The following NIFK variants were observed in gnomAD, a reference collection of about 807,000 sequenced individuals.
NIFK encodes MKI67 FHA domain-interacting nucleolar phosphoprotein.
NIFK carries 16 observed loss-of-function variants against 31.7 expected under a neutral mutation model. That is an observed-to-expected ratio of 0.50 (90% CI 0.34 to 0.77). The LOEUF (loss-of-function observed/expected upper bound fraction) is 0.77, where lower values mean the gene tolerates loss of function less well. NIFK is among the 30% of genes least tolerant of loss of function. The probability of loss-of-function intolerance (pLI) is 0.01; values close to 1 mark genes in which losing one functional copy is unlikely to be tolerated. For synonymous variants in NIFK, 126 were observed against 123.0 expected, an observed-to-expected ratio of 1.02 and a Z score of -0.16; for missense variants, 341 against 350.4, an observed-to-expected ratio of 0.97 and a Z score of 0.21.
chr2:121,728,196 G>T, intron 6 of NIFK, 92 bp downstream of exon 6: 1 of 873,162 alleles, frequency 1.1e-6, no homozygotes, highest in South Asian at 1.7e-5. Flanking sequence ...TATTTAATTT[G>T]AAATCTTAAA....
intron 2 of NIFK, among the ~76,000 whole-genome samples, chr2:121,734,393 GAT>G (rs1274574781): frequency 2.0e-5 from 3 of 152,062 alleles, no homozygotes; most frequent in Non-Finnish European, 4.4e-5. Flanking sequence ...GCTGAAGAAT[GAT>G]AGAGTAATAT....
chr2:121,732,058 G>C (rs761929186), intron 3 of NIFK, 38 bp downstream of exon 3: 24 of 1,223,366 alleles, frequency 2.0e-5, no homozygotes, highest in Admixed American at 6.8e-5. Flanking sequence ...CCAACAGCAG[G>C]CACCCAGGCA....
At chr2:121,733,741 C>T (rs949610479) in intron 2 of NIFK, among the ~76,000 whole-genome samples, 2 of 152,010 alleles carry the variant, frequency 1.3e-5, no homozygotes, top group Non-Finnish European at 2.9e-5. Flanking sequence ...AGAAAATCAG[C>T]GCATCACACA....
rs911211214 is a variant in NIFK, at chr2:121,727,048, T to C, written c.*676A>G. The C allele has an allele frequency of 6.0e-6, 1 of 168,000 alleles. No individual in the cohort carries two copies. The highest frequency in any genetic ancestry group is 1.5e-4 in the South Asian group (1 of 6,548). 10.4% of individuals were successfully genotyped at this position (168,000 alleles called of 1,614,324 possible). A position where few individuals can be genotyped will look rare whatever the true frequency, so the allele number is the denominator to read the frequency against. ...CAAGTCCTACTCGCAAACAAATACA[T>C]TGTAGAAAAAAGTTTAATTGCTGGT... is the stretch of plus-strand genomic sequence containing the variant. On this transcript the variant is annotated 3_prime_UTR_variant, in exon 7 of 7. Coordinates refer to ENST00000285814, the MANE Select transcript of NIFK (RefSeq NM_032390.5).
intron 6 of NIFK, 128 bp downstream of exon 6, chr2:121,728,160 C>T: frequency 4.1e-6 from 3 of 729,750 alleles, no homozygotes; most frequent in Non-Finnish European, 6.7e-6. Context: ...GCTAAATCAA[C>T]AATAAAGATC....
At chr2:121,729,226 G>C (rs1306282985) in intron 4 of NIFK, among the ~76,000 whole-genome samples, 3 of 151,966 alleles carry the variant, frequency 2.0e-5, no homozygotes, top group Admixed American at 6.6e-5. Flanking sequence ...AATTAGCTGG[G>C]TGTGGTGGTG....
chr2:121,733,036 C>T (rs543659348), intron 2 of NIFK, among the ~76,000 whole-genome samples: 1 of 151,830 alleles, frequency 6.6e-6, no homozygotes, highest in Non-Finnish European at 1.5e-5. Context: ...GAGCTGAGAT[C>T]GCGCCACTGC....
chr2:121,730,658 A>T, intron 4 of NIFK: 2 of 466,130 alleles, frequency 4.3e-6, no homozygotes, highest in Non-Finnish European at 7.7e-6. Flanking sequence ...AGCCTGGCCA[A>T]CGTGGAGAAA....
At position 121,735,615 on chromosome 2, in the gene NIFK, T is replaced by C. The variant is rs1294320546; in HGVS notation, c.241A>G (p.Arg81Gly). Residue 81 changes from arginine (R) to glycine (G), a missense_variant and splice_region_variant, in exon 2 of 7, where the codon AGG (arginine) becomes GGG (glycine). Coordinates refer to ENST00000285814, the MANE Select transcript of NIFK (RefSeq NM_032390.5). ...VTRFRLSRSK[R>G]TGNSKGYAFV... ...AAATCCAACTGCAAAAATCTTACCCTTTTACTTCTGGACAGCCTGAACCGT... is the reference window on the plus strand; with the variant it reads ...AAATCCAACTGCAAAAATCTTACCCCTTTACTTCTGGACAGCCTGAACCGT... 6.2e-7 allele frequency: 1 copy of C among 1,611,742 alleles called. No individual in the cohort carries two copies. Among genetic ancestry groups the C allele is most frequent in the Non-Finnish European group, 8.5e-7 (1 of 1,179,710 alleles).
At chr2:121,734,662 AGG>A (rs2074566909) in intron 2 of NIFK, among the ~76,000 whole-genome samples, 1 of 152,070 alleles carries the variant, frequency 6.6e-6, no homozygotes, top group African/African-American at 2.4e-5. Context: ...GCATGGTGGC[AGG>A]CGCCTGTAAT....
intron 2 of NIFK, among the ~76,000 whole-genome samples, chr2:121,735,048 G>A (rs529614044): frequency 1.2e-4 from 18 of 152,240 alleles, no homozygotes; most frequent in African/African-American, 3.6e-4. Context: ...TATGTAAAGC[G>A]TTTTCTCATT....
At chr2:121,731,942 T>G (rs1192270263) in intron 3 of NIFK, among the ~76,000 whole-genome samples, 154 bp downstream of exon 3, 1 of 152,200 alleles carries the variant, frequency 6.6e-6, no homozygotes, top group Non-Finnish European at 1.5e-5. Flanking sequence ...AGAATCTGCC[T>G]GCAACATACA....
In NIFK at chr2:121,727,611, A is replaced by G. The variant is rs2106440903; in HGVS notation, c.*113T>C. The G allele has an allele frequency of 2.2e-6, 2 of 909,130 alleles. No individual in the cohort carries two copies. The highest frequency in any genetic ancestry group is 5.3e-5 in the East Asian group (2 of 37,978). The allele number at this position is 909,130 out of a possible 1,614,324, so 56.3% of individuals were successfully genotyped here. ...TTTCCTTAACTTGACCAAACAGTGT[A>G]TTTTTCCTCTGAAAATCTTGTCAAA... On this transcript the variant is annotated 3_prime_UTR_variant, in exon 7 of 7. Transcript: ENST00000285814.
At chr2:121,731,258 AGAC>A in intron 3 of NIFK, 154 bp from the exon 4 acceptor site, 1 of 583,916 alleles carries the variant, frequency 1.7e-6, no homozygotes, top group East Asian at 2.9e-5. Context: ...GTGAATAGAG[AGAC>A]AAGACCTGGG....
At chr2:121,736,673 C>T in intron 1 of NIFK, 73 bp downstream of exon 1, 1 of 1,329,350 alleles carries the variant, frequency 7.5e-7, no homozygotes, top group South Asian at 1.2e-5. Flanking sequence ...GGCCGGAAAC[C>T]GTGCAACCCC....
intron 2 of NIFK, among the ~76,000 whole-genome samples, chr2:121,734,017 C>T (rs983127920): frequency 2.0e-5 from 3 of 152,068 alleles, no homozygotes; most frequent in Admixed American, 6.5e-5. Context: ...GGCACAGTGG[C>T]TCGCTCATGC....
At chr2:121,736,674 G>T in intron 1 of NIFK, 72 bp downstream of exon 1, 1 of 1,348,254 alleles carries the variant, frequency 7.4e-7, no homozygotes, top group Non-Finnish European at 1.1e-6. Context: ...GCCGGAAACC[G>T]TGCAACCCCA....
chr2:121,736,495 C>G (rs1035658872), intron 1 of NIFK, among the ~76,000 whole-genome samples: 17 of 152,262 alleles, frequency 1.1e-4, no homozygotes, highest in African/African-American at 4.1e-4. Context: ...CACATGAAGG[C>G]TCCAGGGCCT....
chr2:121,736,828 G>T lies in NIFK; in HGVS notation c.23C>A (p.Ala8Asp), dbSNP rs1219994570. ...CGGATTAAGCGACAGGATTGGCCCAGCCGGGCCAGAAAAAGTCGCCATGCC... is the reference window on the plus strand; with the variant it reads ...CGGATTAAGCGACAGGATTGGCCCATCCGGGCCAGAAAAAGTCGCCATGCC... Reference protein sequence around the residue: MATFSGPAGPILSLNPQE... With the variant: MATFSGPDGPILSLNPQE... Residue 8 changes from alanine (A) to aspartate (D), a missense_variant, in exon 1 of 7, where the codon GCT becomes GAT. Physicochemically the swap from Ala to Asp is moderately radical, Grantham distance 126 (BLOSUM62 -2). Coordinates refer to ENST00000285814, the MANE Select transcript of NIFK (RefSeq NM_032390.5). The T allele has an allele frequency of 6.2e-7, 1 of 1,614,050 alleles. No homozygotes were observed. The highest frequency in any genetic ancestry group is 1.3e-5 in the African/African-American group (1 of 74,950).
Sources: allele counts gnomAD v4.1 joint callset (sites outside exome capture counted in the v4.1 genomes callset), GRCh38; gene constraint gnomAD v4.1.1; transcripts MANE v1.5; gene names NCBI Gene and HGNC (gene_info 2026-07-23, HGNC 2026-07-21).